TRPM8: variants seen among roughly 807,000 people sequenced by gnomAD.
TRPM8 encodes the protein TRPM8 cationic channel.
A neutral mutation model predicts 133.7 loss-of-function variants in TRPM8; 110 were observed. That is an observed-to-expected ratio of 0.82 (90% CI 0.70 to 0.96). The LOEUF (loss-of-function observed/expected upper bound fraction) is 0.96. Among genes scored for constraint, TRPM8 ranks in the 40% least tolerant of loss-of-function variants. The pLI is 0.00. For missense variants in TRPM8, 1,291 were observed against 1,379.5 expected, an observed-to-expected ratio of 0.94 and a Z score of 1.02; for synonymous variants, 535 against 532.3, an observed-to-expected ratio of 1.01 and a Z score of -0.07.
At chr2:233,964,568 A>G (rs1691514495) in intron 13 of TRPM8, 60 bp from the exon 14 acceptor site, 1 of 1,333,044 alleles carries the variant, frequency 7.5e-7, no homozygotes, top group Admixed American at 2.5e-5. Context: ...AAAAAAAAAA[A>G]AAAAAAAAAG....
At chr2:233,956,589 G>A (rs906664315) in intron 11 of TRPM8, among the ~76,000 whole-genome samples, 1 of 152,162 alleles carries the variant, frequency 6.6e-6, no homozygotes, top group Admixed American at 6.5e-5. Flanking sequence ...AGATTTGAAG[G>A]TGCATATATT....
chr2:233,981,392 G>A (rs902707534), intron 18 of TRPM8, among the ~76,000 whole-genome samples: 3 of 152,134 alleles, frequency 2.0e-5, no homozygotes, highest in Non-Finnish European at 4.4e-5. Context: ...GGGGAAAGCT[G>A]GCAGGGTGAA....
At chr2:233,920,077 A>T (rs1347277081) in intron 1 of TRPM8, among the ~76,000 whole-genome samples, 8 of 152,146 alleles carry the variant, frequency 5.3e-5, no homozygotes, top group Admixed American at 4.6e-4. Context: ...CTCACTGCAG[A>T]TGTCTCATGC....
intron 1 of TRPM8, among the ~76,000 whole-genome samples, chr2:233,921,162 CA>C (rs1463229817): frequency 2.0e-5 from 3 of 152,258 alleles, no homozygotes; most frequent in Non-Finnish European, 2.9e-5. Flanking sequence ...CGCCCGGCCC[CA>C]GATTTCACCA....
At chr2:233,986,917 G>A (rs960645395) in intron 21 of TRPM8, among the ~76,000 whole-genome samples, 2 of 152,196 alleles carry the variant, frequency 1.3e-5, no homozygotes, top group South Asian at 2.1e-4. Context: ...ACAATGAAAC[G>A]CTGTTTTAAA....
Position 233,923,405 on chromosome 2 carries a change from C to T in TRPM8, c.-5-3128C>T, listed in dbSNP as rs72972147. ...ATCTCCAGTGTTCTCCATGGCTCCTCTAGCAATGGCCACAGCTAGGTGTGG... is the reference window on the plus strand; with the variant it reads ...ATCTCCAGTGTTCTCCATGGCTCCTTTAGCAATGGCCACAGCTAGGTGTGG... On this transcript the variant is annotated intron_variant, in intron 1 of 25. Transcript: ENST00000324695. Among the ~76,000 whole-genome samples, 1,012 of 152,346 alleles carry T rather than the reference C, an allele frequency of 6.6e-3. 5 individuals are homozygous for T. Among genetic ancestry groups the T allele is most frequent in the Non-Finnish European group, 0.011 (764 of 68,026 alleles).
At position 233,927,783 on chromosome 2, in the gene TRPM8, TTTCTTTCTTTTCTTTCCTTCCTTCC is replaced by T. The variant is rs1237106637; in HGVS notation, c.117+1133_117+1157del. ...CTTTCTTTCTTTCTTTCTTTCTTTC[TTTCTTTCTTTTCTTTCCTTCCTTCC>T]TTCCTTCCTTCCTTCCTTCCTTCCT... On this transcript the variant is annotated intron_variant, in intron 2 of 25. Transcript: ENST00000324695. 4.4e-3 allele frequency among the ~76,000 whole-genome samples: 152 copies of T among 34,802 alleles called. 17 individuals are homozygous for T. The highest frequency in any genetic ancestry group is 0.03 in the African/African-American group (80 of 2,654). 22.8% of individuals were successfully genotyped at this position (34,802 alleles called of 152,430 possible).
intron 6 of TRPM8, chr2:233,943,073 T>C: frequency 5.3e-6 from 2 of 376,830 alleles, no homozygotes; most frequent in Non-Finnish European, 9.6e-6. Flanking sequence ...GTATCTTTTT[T>C]TTTTTTTTTT....
intron 1 of TRPM8, among the ~76,000 whole-genome samples, chr2:233,925,112 G>T (rs1455623157): frequency 6.6e-6 from 1 of 152,188 alleles, no homozygotes; most frequent in Non-Finnish European, 1.5e-5. Flanking sequence ...TGGTGGGTCT[G>T]CTCTGTGTCT....
chr2:233,927,627 AG>A, intron 2 of TRPM8, among the ~76,000 whole-genome samples: 1 of 152,164 alleles, frequency 6.6e-6, no homozygotes, highest in African/African-American at 2.4e-5. Flanking sequence ...CTTCAACCCC[AG>A]TGACGAAGCA....
chr2:233,999,208 A>G (rs1182808434), intron 22 of TRPM8, among the ~76,000 whole-genome samples: 2 of 152,048 alleles, frequency 1.3e-5, no homozygotes, highest in Admixed American at 1.3e-4. Context: ...TCCTTGAAGC[A>G]TCCAGTGATT....
chr2:233,929,009 A>C (rs17864742), intron 2 of TRPM8, among the ~76,000 whole-genome samples: 3 of 84,606 alleles, frequency 3.5e-5, no homozygotes, highest in Non-Finnish European at 4.9e-5. Context: ...TTTTTTTTTT[A>C]TTTTTTTGCT....
chr2:233,945,633 G>A (rs1465494976), intron 6 of TRPM8, among the ~76,000 whole-genome samples: 2 of 152,144 alleles, frequency 1.3e-5, no homozygotes, highest in African/African-American at 4.8e-5. Context: ...CCATTTATGA[G>A]AAAATGAGCA....
intron 10 of TRPM8, 109 bp downstream of exon 10, chr2:233,954,128 C>T: frequency 1.4e-6 from 1 of 709,920 alleles, no homozygotes; most frequent in South Asian, 2.5e-5. Context: ...CAAGCTTGTA[C>T]TTAATTTTGA....
At chr2:234,014,828 C>A (rs1692920868) in intron 25 of TRPM8, 174 bp downstream of exon 25, 1 of 411,720 alleles carries the variant, frequency 2.4e-6, no homozygotes, top group Non-Finnish European at 4.3e-6. Flanking sequence ...AGTTGAAGTT[C>A]CTCCTCACAT....
intron 17 of TRPM8, among the ~76,000 whole-genome samples, chr2:233,977,733 T>C (rs1398976936): frequency 6.6e-6 from 1 of 152,220 alleles, no homozygotes; most frequent in Non-Finnish European, 1.5e-5. Context: ...GTGACAAGAA[T>C]GTTGACAATA....
intron 12 of TRPM8, 144 bp from the exon 13 acceptor site, chr2:233,963,138 G>C (rs1691479607): frequency 4.3e-6 from 2 of 460,208 alleles, no homozygotes; most frequent in East Asian, 3.3e-5. Flanking sequence ...GAGTTGCAGA[G>C]ATGAAAATCC....
chr2:233,963,509 T>G, intron 13 of TRPM8, 132 bp downstream of exon 13: 2 of 606,122 alleles, frequency 3.3e-6, no homozygotes, highest in Non-Finnish European at 5.7e-6. Context: ...CAGATGAACA[T>G]GGTCTCTGTT....
At chr2:233,943,974 T>G (rs1690980251) in intron 6 of TRPM8, among the ~76,000 whole-genome samples, 1 of 150,468 alleles carries the variant, frequency 6.6e-6, no homozygotes, top group Non-Finnish European at 1.5e-5. Flanking sequence ...TGGGAGGTGT[T>G]TTTTTTTGTG....
Sources: gnomAD v4.1 joint callset for allele counts (sites outside exome capture counted in the v4.1 genomes callset) on GRCh38, gnomAD v4.1.1 for gene constraint, MANE v1.5 for transcripts, NCBI Gene and HGNC (gene_info 2026-07-23, HGNC 2026-07-21) for gene names.